The following HDAC1 variants were observed in gnomAD, a reference collection of about 807,000 sequenced individuals.
HDAC1 encodes protein deacetylase HDAC1.
A neutral mutation model predicts 65.5 loss-of-function variants in HDAC1; 18 were observed. The ratio of observed to expected loss-of-function variants is 0.27; its 90% CI spans 0.19 to 0.41. The LOEUF (loss-of-function observed/expected upper bound fraction) is 0.41. HDAC1 is among the 10% of genes least tolerant of loss of function. The pLI, the probability that HDAC1 is intolerant of heterozygous loss-of-function variation, is 1.00. For synonymous variants in HDAC1, 211 were observed against 227.9 expected (o/e 0.93, Z 0.67); for missense variants, 373 against 625.2 (o/e 0.60, Z 4.30).
intron 3 of HDAC1, among the ~76,000 whole-genome samples, chr1:32,319,462 G>A (rs769306138): frequency 2.4e-4 from 37 of 152,240 alleles, no homozygotes; most frequent in Non-Finnish European, 2.8e-4. Context: ...TTTAAAAAAA[G>A]AATTATTTTT....
intron 2 of HDAC1, among the ~76,000 whole-genome samples, chr1:32,307,987 C>T (rs1317088217): frequency 6.6e-6 from 1 of 152,152 alleles, no homozygotes; most frequent in Non-Finnish European, 1.5e-5. Context: ...GGAAAGGAAC[C>T]TTGTAAAGTT....
intron 1 of HDAC1, among the ~76,000 whole-genome samples, chr1:32,297,843 G>A (rs1273158856): frequency 7.3e-6 from 1 of 136,556 alleles, no homozygotes; most frequent in African/African-American, 2.8e-5. Flanking sequence ...AGGCTGGAGC[G>A]CAGTGGCGCG....
chr1:32,304,571 AT>A (rs980699205), intron 2 of HDAC1, among the ~76,000 whole-genome samples: 1 of 148,298 alleles, frequency 6.7e-6, no homozygotes, highest in Non-Finnish European at 1.5e-5. Flanking sequence ...GCTTTATTTT[AT>A]TTTTTTCTTT....
chr1:32,301,822 T>C (rs907740636), intron 1 of HDAC1, among the ~76,000 whole-genome samples: 10 of 152,316 alleles, frequency 6.6e-5, no homozygotes, highest in African/African-American at 2.4e-4. Flanking sequence ...TTATTAAATG[T>C]TGAGACCCAG....
chr1:32,327,121 A>G lies in HDAC1; in HGVS notation c.494+44A>G. ...GTCTCTTGGAAGAGCACCTTAGGCC[A>G]GGTTCCCATTTCCCTCTTCCCCTGG... On this transcript the variant is annotated intron_variant, in intron 5 of 13. Transcript: ENST00000373548. The surrounding 1 kb of genome is among the most constrained non-coding windows in gnomAD (Gnocchi z 6.0). 3 of 1,602,736 alleles carry G rather than the reference A, an allele frequency of 1.9e-6. No individual in the cohort carries two copies. Among genetic ancestry groups the G allele is most frequent in the Non-Finnish European group, 2.6e-6 (3 of 1,172,852 alleles).
intron 1 of HDAC1, among the ~76,000 whole-genome samples, chr1:32,298,395 T>C (rs1001264546): frequency 6.6e-6 from 1 of 151,966 alleles, no homozygotes; most frequent in Admixed American, 6.6e-5. Context: ...CCATTTTTTG[T>C]ATTTTTAGTA....
intron 2 of HDAC1, among the ~76,000 whole-genome samples, chr1:32,312,520 C>T (rs929489654): frequency 4.6e-5 from 7 of 151,844 alleles, no homozygotes; most frequent in African/African-American, 1.7e-4. Context: ...CCACCACACT[C>T]AGCTAATTTT....
At position 32,327,824 on chromosome 1, in the gene HDAC1, T is replaced by C; in HGVS notation, c.636+147T>C. The C allele has an allele frequency of 1.4e-6, 1 of 706,528 alleles. No individual in the cohort carries two copies. Among genetic ancestry groups the C allele is most frequent in the South Asian group, 1.5e-5 (1 of 65,680 alleles). The allele number at this position is 706,528 out of a possible 1,614,324, so 43.8% of individuals were successfully genotyped here. A position where few individuals can be genotyped will look rare whatever the true frequency, so the allele number is the denominator to read the frequency against. On this transcript the variant is annotated intron_variant, in intron 6 of 13. Transcript: ENST00000373548. The surrounding 1 kb of genome is among the most constrained non-coding windows in gnomAD (Gnocchi z 6.0). ...AATCTGAAGCACTTGCCCTGATCTC[T>C]TTCCCTTCCTTATTCTGGAGGAAGG...
intron 2 of HDAC1, among the ~76,000 whole-genome samples, chr1:32,303,453 G>T (rs1640875180): frequency 6.6e-6 from 1 of 152,020 alleles, no homozygotes. Context: ...GTGAGACCCT[G>T]TCTCAAAAAA....
At position 32,327,487 on chromosome 1, in the gene HDAC1, G is replaced by A. The variant is rs761494288; in HGVS notation, c.495-49G>A. The A allele has an allele frequency of 6.3e-6, 9 of 1,439,484 alleles. No individual in the cohort carries two copies. The highest frequency in any genetic ancestry group is 2.8e-5 in the African/African-American group (2 of 71,600). 89.2% of individuals were successfully genotyped at this position (1,439,484 alleles called of 1,614,324 possible). ...AGCTGGGAGCTAGCGCCCTTGGCAC[G>A]TCCCATCCCCAAAGAGCCCCCAGAC... On this transcript the variant is annotated intron_variant, in intron 5 of 13. Coordinates refer to ENST00000373548, the MANE Select transcript of HDAC1 (RefSeq NM_004964.3). The surrounding 1 kb of genome is among the most constrained non-coding windows in gnomAD (Gnocchi z 6.0).
chr1:32,307,018 G>A (rs1208434432), intron 2 of HDAC1, among the ~76,000 whole-genome samples: 3 of 152,144 alleles, frequency 2.0e-5, no homozygotes, highest in Admixed American at 6.6e-5. Context: ...GGCCAAAGCC[G>A]GTGGATCATC....
At position 32,330,739 on chromosome 1, in the gene HDAC1, G is replaced by A. The variant is rs144913235; in HGVS notation, c.839-29G>A. On this transcript the variant is annotated intron_variant, in intron 8 of 13. Transcript: ENST00000373548. This position sits in a 1 kb window ranked among gnomAD's most constrained non-coding sequence, Gnocchi z 4.2. ...GGGCGGGGTCCTGCTTGGTGCTCCT[G>A]TAACTCAGCACCCCTTCTCCCACCA... The A allele has an allele frequency of 3.9e-5, 63 of 1,614,020 alleles. No individual in the cohort carries two copies. In the African/African-American group the frequency reaches 6.9e-4, roughly 18 times the overall value.
rs77528314 is a variant in HDAC1, at chr1:32,297,108, G to A, written c.49+4890G>A. 4.0e-3 allele frequency among the ~76,000 whole-genome samples: 615 copies of A among 152,252 alleles called. 3 individuals are homozygous for A. The highest frequency in any genetic ancestry group is 0.014 in the African/African-American group (576 of 41,546). Reference sequence around the variant, plus strand: ...AGATTTAAATAGCTTTTGCAAAAGTGGGGGGCTAGGGAAAGAAATTTGGAA... The same window carrying A: ...AGATTTAAATAGCTTTTGCAAAAGTAGGGGGCTAGGGAAAGAAATTTGGAA... On this transcript the variant is annotated intron_variant, in intron 1 of 13. Coordinates refer to ENST00000373548, the MANE Select transcript of HDAC1 (RefSeq NM_004964.3).
chr1:32,294,543 G>T (rs1248493007), intron 1 of HDAC1, among the ~76,000 whole-genome samples: 1 of 138,316 alleles, frequency 7.2e-6, no homozygotes, highest in Admixed American at 7.8e-5. Flanking sequence ...ATGGAGTCTC[G>T]CTCTGTCGCC....
At position 32,330,394 on chromosome 1, in the gene HDAC1, T is replaced by C; in HGVS notation, c.730-184T>C. The C allele has an allele frequency of 1.7e-6, 1 of 597,242 alleles. No homozygotes were observed. Among genetic ancestry groups the C allele is most frequent in the South Asian group, 1.9e-5 (1 of 52,108 alleles). 37.0% of individuals were successfully genotyped at this position (597,242 alleles called of 1,614,324 possible). A position where few individuals can be genotyped will look rare whatever the true frequency, so the allele number is the denominator to read the frequency against. ...AAGGGTCTTAGAGAACTTTTTAAAT[T>C]GGAAAATTGAAATCCCAAGTGGGCA... On this transcript the variant is annotated intron_variant, in intron 7 of 13. Transcript: ENST00000373548. The surrounding 1 kb of genome is among the most constrained non-coding windows in gnomAD (Gnocchi z 4.2).
At chr1:32,307,535 G>C (rs555078635) in intron 2 of HDAC1, among the ~76,000 whole-genome samples, 25 of 152,320 alleles carry the variant, frequency 1.6e-4, no homozygotes, top group Middle Eastern at 3.4e-3. Flanking sequence ...AGTATACAGT[G>C]TGGATATGCC....
rs372603865 is a variant in HDAC1, at chr1:32,327,684, A to G, written c.636+7A>G. The G allele has an allele frequency of 6.2e-7, 1 of 1,613,832 alleles. No homozygotes were observed. The highest frequency in any genetic ancestry group is 8.5e-7 in the Non-Finnish European group (1 of 1,179,854). The stretch of plus-strand genomic sequence containing the variant: ...AGGAACTGGGGACCTACGGGTGAGA[A>G]CGCCCTTTAGGAGCCAACCGGCTTA... On this transcript the variant is annotated splice_region_variant and intron_variant, in intron 6 of 13. Coordinates refer to ENST00000373548, the MANE Select transcript of HDAC1 (RefSeq NM_004964.3). The surrounding 1 kb of genome is among the most constrained non-coding windows in gnomAD (Gnocchi z 6.0).
At chr1:32,307,721 G>A (rs1237065369) in intron 2 of HDAC1, among the ~76,000 whole-genome samples, 1 of 152,166 alleles carries the variant, frequency 6.6e-6, no homozygotes, top group African/African-American at 2.4e-5. Context: ...GGATAAGAGG[G>A]CACTGCTGTA....
chr1:32,295,735 C>G (rs189368651), intron 1 of HDAC1, among the ~76,000 whole-genome samples: 1 of 152,082 alleles, frequency 6.6e-6, no homozygotes, highest in African/African-American at 2.4e-5. Context: ...ACATTCAGAC[C>G]ATAACAATCA....
Sources: allele counts gnomAD v4.1 joint callset (sites outside exome capture counted in the v4.1 genomes callset), GRCh38; gene constraint gnomAD v4.1.1; non-coding constraint Gnocchi (gnomAD v3.1); transcripts MANE v1.5; gene names NCBI Gene and HGNC (gene_info 2026-07-23, HGNC 2026-07-21).